Variants in KDM4C observed in about 807,000 individuals in gnomAD.
The protein encoded by KDM4C is lysine demethylase 4C, also known as lysine-specific demethylase 4C.
KDM4C carries 81 observed loss-of-function variants against 129.3 expected under a neutral mutation model. The observed-to-expected ratio is 0.63, with a 90% CI of 0.52 to 0.75. The LOEUF is 0.75. KDM4C is among the 30% of genes least tolerant of loss of function. The pLI is 0.00. For synonymous variants in KDM4C, 573 were observed against 456.1 expected, an observed-to-expected ratio of 1.26 and a Z score of -3.26; for missense variants, 1,457 against 1,304.0, an observed-to-expected ratio of 1.12 and a Z score of -1.81.
At chr9:6,792,217 C>T (rs969493161) in intron 1 of KDM4C, among the ~76,000 whole-genome samples, 2 of 151,800 alleles carry the variant, frequency 1.3e-5, no homozygotes, top group Admixed American at 1.3e-4. Context: ...GTGGCGGGTG[C>T]CTGTAATCCC....
intron 15 of KDM4C, among the ~76,000 whole-genome samples, chr9:7,019,411 C>A (rs1258945396): frequency 2.7e-4 from 41 of 151,620 alleles, no homozygotes; most frequent in Admixed American, 2.3e-3. Flanking sequence ...TCATTGGTGG[C>A]TTGTAGTTCA....
chr9:7,109,480 C>A (rs1267983050), intron 18 of KDM4C, among the ~76,000 whole-genome samples: 1 of 152,158 alleles, frequency 6.6e-6, no homozygotes, highest in Non-Finnish European at 1.5e-5. Flanking sequence ...CAATTCGTTC[C>A]AACAGGATTT....
chr9:7,151,776 G>A (rs886874982), intron 19 of KDM4C, among the ~76,000 whole-genome samples: 5 of 152,182 alleles, frequency 3.3e-5, no homozygotes, highest in African/African-American at 7.2e-5. Flanking sequence ...GGCTTGAATC[G>A]ATTAACCCAG....
chr9:7,161,157 C>T (rs977926175), intron 19 of KDM4C, among the ~76,000 whole-genome samples: 12 of 152,216 alleles, frequency 7.9e-5, no homozygotes, highest in African/African-American at 2.9e-4. Context: ...AGAGAATCTC[C>T]TTTCTGCTGG....
chr9:6,733,264 A>C (rs1428948972), intron 1 of KDM4C, among the ~76,000 whole-genome samples: 1 of 152,244 alleles, frequency 6.6e-6, no homozygotes, highest in African/African-American at 2.4e-5. Context: ...CTGTGAAAAC[A>C]TCATGGATGC....
At chr9:6,780,209 A>G (rs969093912) in intron 1 of KDM4C, among the ~76,000 whole-genome samples, 1 of 152,182 alleles carries the variant, frequency 6.6e-6, no homozygotes, top group African/African-American at 2.4e-5. Context: ...CTGTGTAAGT[A>G]TGAGATATAA....
At position 6,770,685 on chromosome 9, in the gene KDM4C, T is replaced by C. The variant is rs1255058474; in HGVS notation, c.-18+12482T>C. The stretch of plus-strand genomic sequence containing the variant: ...ATGAAAAAAGCAAGGATGGTCAGAT[T>C]ATTGTGTTTGATGTTTTTCAACGTC... On this transcript the variant is annotated intron_variant, in intron 1 of 21. Coordinates refer to ENST00000381309, the MANE Select transcript of KDM4C (RefSeq NM_015061.6). Among the ~76,000 whole-genome samples the C allele has an allele frequency of 1.9e-4, 28 of 151,220 alleles. 2 individuals carry two copies. The highest frequency in any genetic ancestry group is 1.8e-3 in the Admixed American group (27 of 15,134).
intron 1 of KDM4C, among the ~76,000 whole-genome samples, chr9:6,782,629 G>C (rs556657743): frequency 6.6e-6 from 1 of 152,174 alleles, no homozygotes; most frequent in African/African-American, 2.4e-5. Flanking sequence ...TGGGAACATC[G>C]AGTGGTTTAA....
chr9:6,983,901 T>G (rs16925061), intron 9 of KDM4C, among the ~76,000 whole-genome samples: 38,464 of 152,044 alleles, frequency 0.25, 5,280 homozygotes, highest in South Asian at 0.45. Context: ...GTCACAAAAT[T>G]TTAGGAATGG....
chr9:7,153,879 G>C (rs1842926930), intron 19 of KDM4C, among the ~76,000 whole-genome samples: 1 of 152,204 alleles, frequency 6.6e-6, no homozygotes, highest in African/African-American at 2.4e-5. Context: ...TGCCATCCAG[G>C]AAGGACACAC....
At chr9:6,756,499 C>T (rs1414531084), upstream of KDM4C, among the ~76,000 whole-genome samples, 4 of 152,150 alleles carry the variant, frequency 2.6e-5, no homozygotes, top group Non-Finnish European at 4.4e-5. Context: ...GGCGGATCAC[C>T]TGAGGTCAGG....
intron 8 of KDM4C, among the ~76,000 whole-genome samples, chr9:6,922,568 G>T (rs1319274491): frequency 6.6e-6 from 1 of 152,184 alleles, no homozygotes; most frequent in East Asian, 1.9e-4. Flanking sequence ...GCAACACAGG[G>T]AGAGCCCATC....
rs560616538 is a variant in KDM4C at position 6,863,612 on chromosome 9, C to T, written c.629+13912C>T. ...GAGATCGAGACCATCCTGGCTAACACGGTGAAACCTTGTCTCTACTAAAAA... is the reference window on the plus strand; with the variant it reads ...GAGATCGAGACCATCCTGGCTAACATGGTGAAACCTTGTCTCTACTAAAAA... On this transcript the variant is annotated intron_variant, in intron 5 of 21. Coordinates refer to ENST00000381309, the MANE Select transcript of KDM4C (RefSeq NM_015061.6). Among the ~76,000 whole-genome samples the T allele has an allele frequency of 3.3e-5, 5 of 151,934 alleles. No individual in the cohort carries two copies. The East Asian group carries it at 7.7e-4, about 24-fold the overall frequency.
intron 18 of KDM4C, among the ~76,000 whole-genome samples, chr9:7,124,690 A>G (rs1839853423): frequency 6.6e-6 from 1 of 152,208 alleles, no homozygotes; most frequent in Non-Finnish European, 1.5e-5. Flanking sequence ...GTGCAATTAA[A>G]TCGGGCTTCT....
At chr9:6,891,185 G>A (rs1846071326) in intron 7 of KDM4C, among the ~76,000 whole-genome samples, 1 of 152,140 alleles carries the variant, frequency 6.6e-6, no homozygotes, top group Non-Finnish European at 1.5e-5. Flanking sequence ...GCGCTCTTGG[G>A]TGATGAAATA....
intron 19 of KDM4C, among the ~76,000 whole-genome samples, chr9:7,133,251 C>G (rs1227346276): frequency 1.3e-5 from 2 of 152,004 alleles, no homozygotes; most frequent in Non-Finnish European, 2.9e-5. Flanking sequence ...CTAGTTTATA[C>G]TAACCTTTTC....
chr9:6,844,427 C>A (rs1468712175), intron 4 of KDM4C, among the ~76,000 whole-genome samples: 1 of 152,190 alleles, frequency 6.6e-6, no homozygotes, highest in African/African-American at 2.4e-5. Context: ...CTGACTTAAA[C>A]ATTTGCACTA....
chr9:6,823,599 C>T lies in KDM4C; in HGVS notation c.435+8854C>T, dbSNP rs958365394. On this transcript the variant is annotated intron_variant, in intron 4 of 21. Transcript: ENST00000381309. Reference sequence around the variant, plus strand: ...GAAACTTAGCTCCTTCACTGAATCACGTTGCTCCTTCGTTGCTGCTGCCTC... The same window carrying T: ...GAAACTTAGCTCCTTCACTGAATCATGTTGCTCCTTCGTTGCTGCTGCCTC... Among the ~76,000 whole-genome samples the T allele has an allele frequency of 8.1e-4, 123 of 152,212 alleles. 1 individual carries two copies. The highest frequency in any genetic ancestry group is 2.2e-4 in the Non-Finnish European group (15 of 68,044).
intron 7 of KDM4C, among the ~76,000 whole-genome samples, chr9:6,892,427 T>C (rs1381766304): frequency 6.6e-6 from 1 of 152,138 alleles, no homozygotes; most frequent in African/African-American, 2.4e-5. Context: ...ATCTAAAAAA[T>C]AGAAACAGGG....
Sources: gnomAD v4.1 joint callset for allele counts (sites outside exome capture counted in the v4.1 genomes callset) on GRCh38, gnomAD v4.1.1 for gene constraint, MANE v1.5 for transcripts, NCBI Gene and HGNC (gene_info 2026-07-23, HGNC 2026-07-21) for gene names.